GREB1L: variants seen among roughly 807,000 people sequenced by gnomAD.
The protein encoded by GREB1L is GREB1 like retinoic acid receptor coactivator, also known as GREB1-like protein.
A neutral mutation model predicts 200.8 loss-of-function variants in GREB1L; 17 were observed. That is an observed-to-expected ratio of 0.08 (90% confidence interval 0.06 to 0.13). The LOEUF (loss-of-function observed/expected upper bound fraction) is 0.13, where lower values mean the gene tolerates loss of function less well. Ranked by LOEUF, GREB1L falls within the 10% of genes least tolerant of loss-of-function variation. GREB1L has a pLI of 1.00. For missense variants in GREB1L, 1,657 were observed against 2,367.7 expected, an observed-to-expected ratio of 0.70 and a Z score of 6.23; for synonymous variants, 789 against 893.0, an observed-to-expected ratio of 0.88 and a Z score of 2.08.
chr18:21,251,873 A>C (rs1243442186), intron 1 of GREB1L, among the ~76,000 whole-genome samples: 1 of 146,668 alleles, frequency 6.8e-6, no homozygotes, highest in Non-Finnish European at 1.5e-5. Flanking sequence ...TGAACCGAGG[A>C]GGCAGAGGTT....
chr18:21,460,810 C>T (rs1479372194), intron 15 of GREB1L, among the ~76,000 whole-genome samples: 9 of 151,968 alleles, frequency 5.9e-5, no homozygotes, highest in Admixed American at 2.6e-4. Context: ...AAAAACTTGC[C>T]TCTAGGCCAG....
At chr18:21,296,327 G>C (rs1383156680) in intron 1 of GREB1L, among the ~76,000 whole-genome samples, 1 of 152,172 alleles carries the variant, frequency 6.6e-6, no homozygotes, top group Non-Finnish European at 1.5e-5. Context: ...ATTAATGTAA[G>C]AACAGAAAAA....
intron 1 of GREB1L, among the ~76,000 whole-genome samples, chr18:21,360,200 A>T (rs1218706314): frequency 6.6e-6 from 1 of 152,148 alleles, no homozygotes; most frequent in Non-Finnish European, 1.5e-5. Context: ...CTTAAAACAA[A>T]GGGTTTTTGT....
intron 1 of GREB1L, among the ~76,000 whole-genome samples, chr18:21,262,275 C>G (rs2037901237): frequency 6.6e-6 from 1 of 152,058 alleles, no homozygotes; most frequent in African/African-American, 2.4e-5. Flanking sequence ...CTTTCAAACA[C>G]AGATCTTTTT....
At chr18:21,363,482 G>C (rs747294020) in intron 1 of GREB1L, 2 of 151,886 alleles carry the variant, frequency 1.3e-5, no homozygotes, top group African/African-American at 2.4e-5. Context: ...GCTTAGAAGA[G>C]GTTTATGGTC....
rs1038618233 is a variant in GREB1L, at chr18:21,500,048, G to A, written c.3711G>A (p.Ala1237=). The change falls in exon 22 of 33, where the codon GCG becomes GCA. Residue 1237 remains alanine, a synonymous_variant. Transcript: ENST00000424526. The stretch of plus-strand genomic sequence containing the variant: ...CACCAGTGGTGATCCTATCCAAAGC[G>A]GCCTACAGTCTCCTGGGCTCCCAGA... The part of the protein sequence containing the change: ...ALPPVVILSK[A]AYSLLGSQKS... 2.6e-5 allele frequency: 40 copies of A among 1,551,502 alleles called. No individual in the cohort carries two copies. The highest frequency in any genetic ancestry group is 8.2e-5 in the African/African-American group (6 of 73,058).
intron 7 of GREB1L, among the ~76,000 whole-genome samples, chr18:21,428,255 A>G (rs1227658905): frequency 7.2e-6 from 1 of 138,378 alleles, no homozygotes; most frequent in East Asian, 2.3e-4. Flanking sequence ...TCCAGATCAT[A>G]GTTTGATCTT....
intron 1 of GREB1L, among the ~76,000 whole-genome samples, chr18:21,288,260 G>GAA (rs894755226): frequency 6.7e-6 from 1 of 150,198 alleles, no homozygotes; most frequent in Non-Finnish European, 1.5e-5. Context: ...AGATTATCCA[G>GAA]AAAAAAAAAG....
chr18:21,283,695 A>C (rs1326315582), intron 1 of GREB1L, among the ~76,000 whole-genome samples: 2 of 152,222 alleles, frequency 1.3e-5, no homozygotes. Context: ...TAACATGAGC[A>C]GGGTACTCAA....
At chr18:21,328,779 A>G (rs1233760875) in intron 1 of GREB1L, among the ~76,000 whole-genome samples, 7 of 151,974 alleles carry the variant, frequency 4.6e-5, no homozygotes, top group Non-Finnish European at 7.4e-5. Flanking sequence ...AATCAGGGGG[A>G]AAGGGGAAAA....
At chr18:21,345,259 A>G (rs1380427493) in intron 1 of GREB1L, among the ~76,000 whole-genome samples, 1 of 152,208 alleles carries the variant, frequency 6.6e-6, no homozygotes, top group Admixed American at 6.5e-5. Flanking sequence ...TCTGTCCAGA[A>G]ATCTCACCTT....
At chr18:21,317,343 A>G (rs2144870391) in intron 1 of GREB1L, 1 of 151,224 alleles carries the variant, frequency 6.6e-6, no homozygotes, top group East Asian at 1.9e-4. Context: ...GCTCACACAT[A>G]TAATCCCAGC....
intron 10 of GREB1L, 35 bp from the exon 11 acceptor site, chr18:21,444,189 T>G (rs4368249): frequency 0.22 from 314,797 of 1,454,650 alleles, 45,268 homozygotes; most frequent in African/African-American, 0.62. Context: ...TAAAAAGAAA[T>G]GTTGAACTGT....
Position 21,495,293 on chromosome 18 carries a change from C to T in GREB1L, c.3031-377C>T, listed in dbSNP as rs574034050. Among the ~76,000 whole-genome samples the T allele has an allele frequency of 2.0e-5, 3 of 152,162 alleles. No homozygotes were observed. In the East Asian group the frequency reaches 5.8e-4, roughly 29 times the overall value. ...GAAACTCTTTTTCAGTCTTCCAATC[C>T]CAAGAATTTCTCCAATGTGTGAAGA... On this transcript the variant is annotated intron_variant, in intron 19 of 32. Transcript: ENST00000424526.
intron 1 of GREB1L, among the ~76,000 whole-genome samples, chr18:21,271,740 G>A (rs541906308): frequency 6.6e-6 from 1 of 152,112 alleles, no homozygotes; most frequent in African/African-American, 2.4e-5. Flanking sequence ...GTTAAGTAGA[G>A]GGGAAAAAGG....
At chr18:21,426,338 T>TG (rs1168054271) in intron 7 of GREB1L, among the ~76,000 whole-genome samples, 1 of 152,188 alleles carries the variant, frequency 6.6e-6, no homozygotes, top group African/African-American at 2.4e-5. Flanking sequence ...ATTATAGGCA[T>TG]GAGCCACCGC....
chr18:21,268,554 C>CAT (rs2038018396), intron 1 of GREB1L, among the ~76,000 whole-genome samples: 4 of 96,872 alleles, frequency 4.1e-5, no homozygotes, highest in Admixed American at 2.0e-4. Context: ...CACACACACA[C>CAT]ACACACATAT....
rs2040447188 is a variant in GREB1L, at chr18:21,384,340, T to C, written c.292T>C (p.Ser98Pro). ...TGAAGACGATGAAGAAATGTCTGAT[T>C]CAAACAGCCCACCAATTCCCTATTC... is the stretch of plus-strand genomic sequence containing the variant. ...DDEDDEEMSD[S>P]NSPPIPYSQK... The change falls in exon 4 of 33, where the codon TCA (serine) becomes CCA (proline). Residue 98 changes from serine (S) to proline (P), a missense_variant. Ser to Pro is a moderately conservative substitution (Grantham distance 74). This residue lies in a region of GREB1L where 121 missense variants were observed against 126.6 expected (regional missense o/e 0.96). Coordinates refer to ENST00000424526, the MANE Select transcript of GREB1L (RefSeq NM_001142966.3). 1 of 1,551,768 alleles carries C rather than the reference T, an allele frequency of 6.4e-7. No individual in the cohort carries two copies. The highest frequency in any genetic ancestry group is 1.4e-5 in the African/African-American group (1 of 73,032).
rs1440038645 is a variant in GREB1L at position 21,360,955 on chromosome 18, CAG to C, written c.-119-5071_-119-5070del. ...GAAAATTGGTGAGTGTATGTGATGA[CAG>C]TTACAGTACATATTGGATAACAAGG... is the stretch of plus-strand genomic sequence containing the variant. On this transcript the variant is annotated intron_variant, in intron 1 of 32. Transcript: ENST00000424526. 3.9e-5 allele frequency among the ~76,000 whole-genome samples: 6 copies of C among 152,098 alleles called. No homozygotes were observed. The South Asian group carries it at 1.0e-3, about 26-fold the overall frequency.
Sources: allele counts gnomAD v4.1 joint callset (sites outside exome capture counted in the v4.1 genomes callset), GRCh38; gene constraint gnomAD v4.1.1; regional missense constraint gnomAD v4.1.1; transcripts MANE v1.5; gene names NCBI Gene and HGNC (gene_info 2026-07-23, HGNC 2026-07-21).